The following SUCO variants were observed in gnomAD, a reference collection of about 807,000 sequenced individuals.
The protein encoded by SUCO is SUN domain-containing ossification factor.
In SUCO, 57 loss-of-function variants were observed where a neutral mutation model predicts 148.1. The observed-to-expected ratio is 0.38, with a 90% CI of 0.31 to 0.48. The LOEUF is 0.48. Ranked by LOEUF, SUCO falls within the 20% of genes least tolerant of loss-of-function variation. The probability of loss-of-function intolerance (pLI) is 0.96; values close to 1 mark genes in which losing one functional copy is unlikely to be tolerated. For missense variants in SUCO, 1,331 were observed against 1,468.2 expected (o/e 0.91, Z 1.53); for synonymous variants, 470 against 502.7 (o/e 0.93, Z 0.87).
At chr1:172,586,784 A>G (rs1222427064) in intron 17 of SUCO, among the ~76,000 whole-genome samples, 1 of 152,186 alleles carries the variant, frequency 6.6e-6, no homozygotes, top group African/African-American at 2.4e-5. Flanking sequence ...GAACTATACT[A>G]TTTCAAAAAT....
intron 6 of SUCO, among the ~76,000 whole-genome samples, chr1:172,567,049 A>G (rs975967644): frequency 7.9e-5 from 12 of 152,216 alleles, no homozygotes; most frequent in Non-Finnish European, 1.8e-4. Context: ...TGTTCTGTAA[A>G]GCACTCTAAG....
At position 172,610,332 on chromosome 1, in the gene SUCO, G is replaced by A; in HGVS notation, c.*73G>A. ...GAAGAACAGTCTGTAGTATTTGAAG[G>A]GTTTGGGGGAGGGAGAAAATATTAA... On this transcript the variant is annotated 3_prime_UTR_variant, in exon 24 of 24. Coordinates refer to ENST00000263688, the MANE Select transcript of SUCO (RefSeq NM_014283.5). The A allele has an allele frequency of 6.8e-7, 1 of 1,475,502 alleles. No homozygotes were observed. The highest frequency in any genetic ancestry group is 9.0e-7 in the Non-Finnish European group (1 of 1,113,996). The allele number at this position is 1,475,502 out of a possible 1,614,324, so 91.4% of individuals were successfully genotyped here.
chr1:172,535,318 T>G (rs1184279724), intron 1 of SUCO, among the ~76,000 whole-genome samples: 1 of 152,184 alleles, frequency 6.6e-6, no homozygotes, highest in Non-Finnish European at 1.5e-5. Flanking sequence ...ATTTTGAGAT[T>G]TGTTTAGACT....
rs186496512 is a variant in SUCO, at chr1:172,611,532, G to A, written c.*1273G>A. The A allele has an allele frequency of 2.6e-4, 39 of 152,552 alleles. No individual in the cohort carries two copies. The highest frequency in any genetic ancestry group is 8.9e-4 in the African/African-American group (37 of 41,430). 9.4% of individuals were successfully genotyped at this position (152,552 alleles called of 1,614,324 possible). On this transcript the variant is annotated 3_prime_UTR_variant, in exon 24 of 24. Transcript: ENST00000263688. ...TAAACTTGCCTAATACCTTTCTTGGGTATTGTTTGTAATGTGACTTATTTA... is the reference window on the plus strand; with the variant it reads ...TAAACTTGCCTAATACCTTTCTTGGATATTGTTTGTAATGTGACTTATTTA...
At chr1:172,572,301 ATGTC>A (rs1480621672) in intron 9 of SUCO, among the ~76,000 whole-genome samples, 1 of 151,752 alleles carries the variant, frequency 6.6e-6, no homozygotes, top group African/African-American at 2.4e-5. Context: ...GATGGTTGCC[ATGTC>A]TGTGTGGAAA....
chr1:172,553,400 T>TA, intron 3 of SUCO, 30 bp downstream of exon 3: 1 of 1,473,488 alleles, frequency 6.8e-7, no homozygotes, highest in Non-Finnish European at 9.3e-7. Flanking sequence ...TTTTCAATAA[T>TA]ATGTCATTTC....
chr1:172,534,481 G>A (rs1651867426), intron 1 of SUCO, among the ~76,000 whole-genome samples: 1 of 152,158 alleles, frequency 6.6e-6, no homozygotes, highest in African/African-American at 2.4e-5. Flanking sequence ...ATGCCTTATG[G>A]ATTCCAGAAG....
chr1:172,561,647 G>A (rs942370274), intron 6 of SUCO, among the ~76,000 whole-genome samples: 21 of 152,172 alleles, frequency 1.4e-4, no homozygotes, highest in African/African-American at 4.8e-4. Flanking sequence ...TAAAGTGATC[G>A]AAAAGAAGTA....
intron 6 of SUCO, among the ~76,000 whole-genome samples, chr1:172,560,267 G>A (rs771797020): frequency 4.6e-4 from 70 of 152,210 alleles, no homozygotes; most frequent in Non-Finnish European, 8.5e-4. Context: ...TGAGACTTGC[G>A]AAGGCAGTTT....
intron 2 of SUCO, chr1:172,552,779 A>C (rs891049278): frequency 2.2e-5 from 6 of 274,812 alleles, no homozygotes; most frequent in African/African-American, 1.4e-4. Context: ...TAAGGGGGAA[A>C]GCATGTTCTT....
intron 6 of SUCO, among the ~76,000 whole-genome samples, chr1:172,560,418 A>C (rs1654065127): frequency 6.6e-6 from 1 of 152,214 alleles, no homozygotes; most frequent in African/African-American, 2.4e-5. Flanking sequence ...TAATAACTGC[A>C]CATACTCTAC....
At chr1:172,533,595 G>T in intron 1 of SUCO, 98 bp downstream of exon 1, 2 of 1,403,990 alleles carry the variant, frequency 1.4e-6, no homozygotes, top group South Asian at 3.1e-5. Context: ...TTTAGGGTCC[G>T]GGTTTCCAAG....
At chr1:172,562,584 C>G (rs1365992207) in intron 6 of SUCO, among the ~76,000 whole-genome samples, 1 of 152,224 alleles carries the variant, frequency 6.6e-6, no homozygotes, top group East Asian at 1.9e-4. Context: ...GATCACCCGC[C>G]TTGGCCTTCC....
intron 23 of SUCO, 27 bp from the exon 24 acceptor site, chr1:172,609,789 C>G: frequency 6.4e-7 from 1 of 1,570,766 alleles, no homozygotes; most frequent in South Asian, 1.2e-5. Context: ...AGTATCATTA[C>G]TAACTTTTCT....
chr1:172,560,458 A>AGTCT (rs1654067426), intron 6 of SUCO, among the ~76,000 whole-genome samples: 1 of 152,234 alleles, frequency 6.6e-6, no homozygotes, highest in African/African-American at 2.4e-5. Flanking sequence ...GTCCAGTGCT[A>AGTCT]GTCTGTTATT....
intron 16 of SUCO, among the ~76,000 whole-genome samples, chr1:172,585,540 C>T (rs1656180241): frequency 6.6e-6 from 1 of 152,032 alleles, no homozygotes; most frequent in African/African-American, 2.4e-5. Flanking sequence ...CAAGTGAACA[C>T]TTAAAATGAC....
intron 1 of SUCO, among the ~76,000 whole-genome samples, chr1:172,539,902 A>G (rs1193658736): frequency 6.6e-6 from 1 of 151,914 alleles, no homozygotes; most frequent in African/African-American, 2.4e-5. Context: ...TCTGTATATA[A>G]GCTGCTTGTT....
At chr1:172,542,881 C>G in intron 1 of SUCO, 1 of 985,270 alleles carries the variant, frequency 1.0e-6, no homozygotes, top group Non-Finnish European at 1.2e-6. Context: ...TATAAAATGT[C>G]TTAGATAAGT....
At chr1:172,588,251 G>A (rs1303113539) in intron 17 of SUCO, 3 of 985,174 alleles carry the variant, frequency 3.0e-6, no homozygotes, top group Non-Finnish European at 3.6e-6. Flanking sequence ...GACCAACCTA[G>A]CTGCCTTTTG....
Sources: allele counts gnomAD v4.1 joint callset (sites outside exome capture counted in the v4.1 genomes callset), GRCh38; gene constraint gnomAD v4.1.1; transcripts MANE v1.5; gene names NCBI Gene and HGNC (gene_info 2026-07-23, HGNC 2026-07-21).